Variants in CFH observed in about 807,000 individuals in gnomAD.
CFH encodes the protein complement factor H, also known as H factor 1 (complement).
CFH carries 53 observed loss-of-function variants against 147.3 expected under a neutral mutation model. That is an observed-to-expected ratio of 0.36 (90% CI 0.29 to 0.45). CFH has a LOEUF of 0.45. CFH is among the 20% of genes least tolerant of loss of function. The probability of loss-of-function intolerance (pLI) is 1.00; values close to 1 mark genes in which losing one functional copy is unlikely to be tolerated. For synonymous variants in CFH, 536 were observed against 489.4 expected (o/e 1.10, Z -1.26); for missense variants, 1,380 against 1,498.0 (o/e 0.92, Z 1.30).
At chr1:196,745,230 G>A (rs1287405474) in intron 20 of CFH, among the ~76,000 whole-genome samples, 1 of 151,976 alleles carries the variant, frequency 6.6e-6, no homozygotes, top group Admixed American at 6.6e-5. Flanking sequence ...GAAGTTTTCA[G>A]GCATCATTTT....
intron 1 of CFH, among the ~76,000 whole-genome samples, chr1:196,667,029 C>A (rs1667120193): frequency 6.6e-6 from 1 of 151,956 alleles, no homozygotes; most frequent in Non-Finnish European, 1.5e-5. Flanking sequence ...TTGCTTATAT[C>A]TTGTATATCC....
At chr1:196,700,507 G>T (rs558769384) in intron 9 of CFH, among the ~76,000 whole-genome samples, 88 of 151,894 alleles carry the variant, frequency 5.8e-4, no homozygotes, top group African/African-American at 2.1e-3. Flanking sequence ...TACAAAAGTT[G>T]CCCAGGCATG....
chr1:196,678,932 G>C (rs547954163), intron 5 of CFH: 21 of 152,144 alleles, frequency 1.4e-4, no homozygotes, highest in African/African-American at 4.8e-4. Context: ...TGAAGAACGC[G>C]TCTTTTATTC....
chr1:196,698,665 A>C (rs1668359710), intron 9 of CFH, among the ~76,000 whole-genome samples: 1 of 152,192 alleles, frequency 6.6e-6, no homozygotes, highest in Admixed American at 6.6e-5. Context: ...AGTTGGTACC[A>C]TTCCTTTGGA....
chr1:196,652,231 A>T (rs1369975201), intron 1 of CFH, 56 bp downstream of exon 1: 6 of 1,353,074 alleles, frequency 4.4e-6, no homozygotes, highest in African/African-American at 1.4e-5. Context: ...TTTGCTAATG[A>T]TGCTTTTCAC....
Position 196,740,725 on chromosome 1 carries a change from T to C in CFH, c.2889T>C (p.Phe963=). 6.2e-7 allele frequency: 1 copy of C among 1,614,062 alleles called. No individual in the cohort carries two copies. Among genetic ancestry groups the C allele is most frequent in the Non-Finnish European group, 8.5e-7 (1 of 1,179,968 alleles). ...EEVTYKCFEG[F]GIDGPAIAKC... ...TTACGTACAAATGTTTTGAAGGTTT[T>C]GGAATTGATGGGCCTGCAATTGCAA... Residue 963 remains phenylalanine, a synonymous_variant, in exon 18 of 22, where the codon TTT becomes TTC. Coordinates refer to ENST00000367429, the MANE Select transcript of CFH (RefSeq NM_000186.4).
intron 9 of CFH, among the ~76,000 whole-genome samples, chr1:196,710,184 G>T (rs203681): frequency 6.6e-6 from 1 of 151,948 alleles, no homozygotes; most frequent in Non-Finnish European, 1.5e-5. Flanking sequence ...TTTCTAGCCC[G>T]TCACCCTCCA....
At chr1:196,726,435 A>G in intron 12 of CFH, 35 bp from the exon 13 acceptor site, 1 of 1,500,368 alleles carries the variant, frequency 6.7e-7, no homozygotes, top group Non-Finnish European at 9.2e-7. Context: ...AAAACAGACA[A>G]TTTAACCATT....
chr1:196,663,368 T>TTAAGCTGCTATTAAGC (rs1399293790), intron 1 of CFH, among the ~76,000 whole-genome samples: 1 of 152,228 alleles, frequency 6.6e-6, no homozygotes, highest in Non-Finnish European at 1.5e-5. Flanking sequence ...AAGCTGTCCA[T>TTAAGCTGCTATTAAGC]TGATGATTAA....
chr1:196,675,973 AT>A lies in CFH; in HGVS notation c.351-10del. 1.3e-6 allele frequency: 2 copies of A among 1,572,134 alleles called. No individual in the cohort carries two copies. Among genetic ancestry groups the A allele is most frequent in the Non-Finnish European group, 1.8e-6 (2 of 1,142,762 alleles). On this transcript the variant is annotated splice_polypyrimidine_tract_variant and intron_variant, in intron 3 of 21. Transcript: ENST00000367429. ...ACACACATTATGTCAACGTTCTGTTATTTTTTGGTTTTCAGGTATCAATTGC... is the reference window on the plus strand; with the variant it reads ...ACACACATTATGTCAACGTTCTGTTATTTTTGGTTTTCAGGTATCAATTGC...
chr1:196,736,444 T>C (rs1391785612), intron 15 of CFH, among the ~76,000 whole-genome samples: 3 of 152,084 alleles, frequency 2.0e-5, no homozygotes, highest in Admixed American at 6.6e-5. Context: ...TGATTATAGA[T>C]ATCAATTTTT....
intron 1 of CFH, among the ~76,000 whole-genome samples, chr1:196,659,233 A>G (rs970852251): frequency 3.3e-5 from 5 of 152,234 alleles, no homozygotes; most frequent in African/African-American, 1.2e-4. Flanking sequence ...GAGCTTGAAC[A>G]TTCGATTGTT....
chr1:196,700,504 G>A (rs1340739642), intron 9 of CFH, among the ~76,000 whole-genome samples: 2 of 151,768 alleles, frequency 1.3e-5, no homozygotes, highest in Non-Finnish European at 2.9e-5. Context: ...AAATACAAAA[G>A]TTGCCCAGGC....
intron 12 of CFH, among the ~76,000 whole-genome samples, chr1:196,725,828 G>A (rs1382884556): frequency 6.6e-6 from 1 of 152,124 alleles, no homozygotes; most frequent in Non-Finnish European, 1.5e-5. Flanking sequence ...GCATTCATCT[G>A]TTCATGAGAG....
Position 196,701,350 on chromosome 1 carries a change from T to A in CFH, c.1336+11111T>A, listed in dbSNP as rs778630362. 22 of 1,613,696 alleles carry A rather than the reference T, an allele frequency of 1.4e-5. No individual in the cohort carries two copies. The Admixed American group carries it at 3.7e-4, about 27-fold the overall frequency. On this transcript the variant is annotated intron_variant, in intron 9 of 21. Coordinates refer to ENST00000367429, the MANE Select transcript of CFH (RefSeq NM_000186.4). ...CCTCTGAACTTCTGATCGAAGGTCA[T>A]CCCTCTCCAGCTTGAGTGGATCAAA...
At chr1:196,700,538 C>A (rs1380536266) in intron 9 of CFH, among the ~76,000 whole-genome samples, 1 of 151,624 alleles carries the variant, frequency 6.6e-6, no homozygotes, top group African/African-American at 2.4e-5. Flanking sequence ...CCTGTAATCC[C>A]AGTTACTTGG....
chr1:196,681,462 T>C (rs1667653610), intron 6 of CFH, among the ~76,000 whole-genome samples: 1 of 136,704 alleles, frequency 7.3e-6, no homozygotes, highest in South Asian at 2.4e-4. Flanking sequence ...TCTTGAACAC[T>C]AATTGATTCA....
intron 7 of CFH, 45 bp downstream of exon 7, chr1:196,685,282 TC>T: frequency 6.3e-7 from 1 of 1,589,036 alleles, no homozygotes; most frequent in Non-Finnish European, 8.6e-7. Flanking sequence ...TTCTGAAATT[TC>T]TTTTAAACAC....
chr1:196,656,318 AAAAAAGAAAG>A (rs1666688180), intron 1 of CFH, among the ~76,000 whole-genome samples: 1 of 151,734 alleles, frequency 6.6e-6, no homozygotes, highest in African/African-American at 2.4e-5. Flanking sequence ...AGAAAAAAAA[AAAAAAGAAAG>A]AAAGAAAGAA....
Sources: allele counts gnomAD v4.1 joint callset (sites outside exome capture counted in the v4.1 genomes callset), GRCh38; gene constraint gnomAD v4.1.1; transcripts MANE v1.5; gene names NCBI Gene and HGNC (gene_info 2026-07-23, HGNC 2026-07-21).